The following CBFA2T3 variants were observed in gnomAD, a reference collection of about 807,000 sequenced individuals.
CBFA2T3 encodes the protein CBFA2/RUNX1 partner transcriptional co-repressor 3, also known as transcriptional corepressor CBFA2T3.
Under a neutral mutation model 58.6 loss-of-function variants are expected in CBFA2T3, and 31 were observed. The ratio of observed to expected loss-of-function variants is 0.53; its 90% CI spans 0.40 to 0.71. The LOEUF (loss-of-function observed/expected upper bound fraction) is 0.71. Ranked by LOEUF, CBFA2T3 falls within the 30% of genes least tolerant of loss-of-function variation. The pLI is 0.00. For missense variants in CBFA2T3, 1,076 were observed against 963.1 expected (o/e 1.12, Z -1.55); for synonymous variants, 531 against 421.9 (o/e 1.26, Z -3.17).
intron 1 of CBFA2T3, 112 bp from the exon 2 acceptor site, chr16:88,901,768 G>C (rs1348399999): frequency 4.1e-6 from 4 of 965,544 alleles, no homozygotes; most frequent in Non-Finnish European, 5.8e-6. Context: ...CCCAGCGCTG[G>C]GGCAGTCTGC....
At chr16:88,897,734 T>C (rs1372174850) in intron 3 of CBFA2T3, among the ~76,000 whole-genome samples, 2 of 152,196 alleles carry the variant, frequency 1.3e-5, no homozygotes, top group African/African-American at 4.8e-5. Flanking sequence ...ATAGCTGAGC[T>C]ACAGGCTGGC....
At chr16:88,971,509 G>A (rs1161903465) in intron 1 of CBFA2T3, among the ~76,000 whole-genome samples, 1 of 151,892 alleles carries the variant, frequency 6.6e-6, no homozygotes, top group Non-Finnish European at 1.5e-5. Flanking sequence ...AAGCCCCTCG[G>A]TGGGGTCCCC....
In CBFA2T3 at chr16:88,951,053, T is replaced by C. The variant is rs1972056023; in HGVS notation, c.151+25604A>G. 7 of 390,072 alleles carry C rather than the reference T, an allele frequency of 1.8e-5. 1 individual carries two copies. Among genetic ancestry groups the C allele is most frequent in the South Asian group, 3.5e-5 (2 of 57,512 alleles). 24.2% of individuals were successfully genotyped at this position (390,072 alleles called of 1,614,324 possible). ...CACAGAGGGTCAGAGTGTTGGCACC[T>C]GTCTTCCGGATCTGTTCACCCCTCC... On this transcript the variant is annotated intron_variant, in intron 1 of 11. Coordinates refer to ENST00000268679, the MANE Select transcript of CBFA2T3 (RefSeq NM_005187.6).
At chr16:88,926,675 G>T (rs1448594961) in intron 1 of CBFA2T3, among the ~76,000 whole-genome samples, 1 of 152,246 alleles carries the variant, frequency 6.6e-6, no homozygotes, top group East Asian at 1.9e-4. Context: ...GGGACAAGCT[G>T]GCCATGGTCC....
chr16:88,912,305 C>T (rs1377812164), intron 1 of CBFA2T3, among the ~76,000 whole-genome samples: 1 of 152,242 alleles, frequency 6.6e-6, no homozygotes, highest in Non-Finnish European at 1.5e-5. Context: ...CAAAGAAATG[C>T]GGAAGATGGG....
chr16:88,892,927 G>A (rs1400714936), intron 3 of CBFA2T3, among the ~76,000 whole-genome samples: 2 of 152,170 alleles, frequency 1.3e-5, no homozygotes, highest in African/African-American at 4.8e-5. Context: ...CACCCAGCAG[G>A]GGTGCGGCCC....
intron 7 of CBFA2T3, chr16:88,884,032 C>T (rs933660352): frequency 1.3e-5 from 2 of 152,270 alleles, no homozygotes; most frequent in African/African-American, 4.8e-5. Flanking sequence ...AGTCACCAGC[C>T]TGCTCTGCCG....
intron 1 of CBFA2T3, among the ~76,000 whole-genome samples, chr16:88,962,647 C>A (rs757965815): frequency 6.6e-6 from 1 of 152,206 alleles, no homozygotes; most frequent in Admixed American, 6.5e-5. Context: ...GACCACGTTT[C>A]GGGGGGAGAC....
At chr16:88,965,744 A>G (rs1280616701) in intron 1 of CBFA2T3, among the ~76,000 whole-genome samples, 1 of 152,242 alleles carries the variant, frequency 6.6e-6, no homozygotes, top group African/African-American at 2.4e-5. Flanking sequence ...TTATCTGCCA[A>G]AAACGAAGCA....
At chr16:88,884,443 T>C (rs1443336860) in intron 7 of CBFA2T3, among the ~76,000 whole-genome samples, 1 of 152,104 alleles carries the variant, frequency 6.6e-6, no homozygotes, top group Non-Finnish European at 1.5e-5. Flanking sequence ...TGTGGGTGCA[T>C]TATGTGTGCT....
chr16:88,918,995 T>G (rs7199549), intron 1 of CBFA2T3, among the ~76,000 whole-genome samples: 9,973 of 152,278 alleles, frequency 0.065, 1,123 homozygotes, highest in African/African-American at 0.23. Context: ...TCTGCTAGCC[T>G]TAATAAAGAA....
At chr16:88,927,192 G>A (rs901217315) in intron 1 of CBFA2T3, among the ~76,000 whole-genome samples, 3 of 152,214 alleles carry the variant, frequency 2.0e-5, no homozygotes, top group Non-Finnish European at 4.4e-5. Context: ...AACGGGCACC[G>A]CCTAACGAGT....
intron 1 of CBFA2T3, among the ~76,000 whole-genome samples, chr16:88,926,781 C>G (rs1971097980): frequency 6.6e-6 from 1 of 152,226 alleles, no homozygotes; most frequent in African/African-American, 2.4e-5. Flanking sequence ...AATTCCTCCT[C>G]TGGATTGGGC....
chr16:88,907,744 A>T (rs1348537772), intron 1 of CBFA2T3, among the ~76,000 whole-genome samples: 6 of 151,318 alleles, frequency 4.0e-5, no homozygotes, highest in African/African-American at 1.5e-4. Flanking sequence ...TGTCCTTCTC[A>T]CTCCCCCTGC....
Position 88,903,413 on chromosome 16 carries a change from C to T in CBFA2T3, c.152-1757G>A, listed in dbSNP as rs574832936. On this transcript the variant is annotated intron_variant, in intron 1 of 11. Transcript: ENST00000268679. ...GGGGAGTGGTGGGGGGAGGAAGCAGCCAGTAAACAGCCACAGGCCTCGCGG... is the reference window on the plus strand; with the variant it reads ...GGGGAGTGGTGGGGGGAGGAAGCAGTCAGTAAACAGCCACAGGCCTCGCGG... 3.7e-3 allele frequency among the ~76,000 whole-genome samples: 569 copies of T among 152,214 alleles called. 1 individual carries two copies. The highest frequency in any genetic ancestry group is 0.013 in the African/African-American group (544 of 41,540).
At position 88,962,494 on chromosome 16, in the gene CBFA2T3, T is replaced by C. The variant is rs562220454; in HGVS notation, c.151+14163A>G. ...TCCTCTGTGCTCAGCAGGAAAAGCA[T>C]TGTGATCCATTACCCATGCCTGTCG... On this transcript the variant is annotated intron_variant, in intron 1 of 11. Transcript: ENST00000268679. Among the ~76,000 whole-genome samples the C allele has an allele frequency of 1.4e-4, 22 of 152,308 alleles. No homozygotes were observed. In the East Asian group the frequency reaches 2.7e-3, roughly 19 times the overall value.
At chr16:88,917,554 CAA>C (rs1214779947) in intron 1 of CBFA2T3, among the ~76,000 whole-genome samples, 1 of 152,190 alleles carries the variant, frequency 6.6e-6, no homozygotes, top group East Asian at 1.9e-4. Flanking sequence ...CACCGGTTCC[CAA>C]AGTGTCGTCG....
intron 2 of CBFA2T3, among the ~76,000 whole-genome samples, chr16:88,900,932 C>T (rs970098026): frequency 1.3e-5 from 2 of 152,258 alleles, no homozygotes; most frequent in African/African-American, 2.4e-5. Context: ...CTTGAGGTCC[C>T]ACCCTTCCGG....
In CBFA2T3 at chr16:88,906,636, G is replaced by T. The variant is rs540068753; in HGVS notation, c.152-4980C>A. On this transcript the variant is annotated intron_variant, in intron 1 of 11. Coordinates refer to ENST00000268679, the MANE Select transcript of CBFA2T3 (RefSeq NM_005187.6). ...GCAGAATAGAGAAGTGGCAGGAAGG[G>T]CTAATGTCACGGAGGAACCTGGTGC... Among the ~76,000 whole-genome samples, 7 of 152,314 alleles carry T rather than the reference G, an allele frequency of 4.6e-5. No individual in the cohort carries two copies. In the East Asian group the frequency reaches 1.4e-3, roughly 29 times the overall value.
Sources: gnomAD v4.1 joint callset for allele counts (sites outside exome capture counted in the v4.1 genomes callset) on GRCh38, gnomAD v4.1.1 for gene constraint, MANE v1.5 for transcripts, NCBI Gene and HGNC (gene_info 2026-07-23, HGNC 2026-07-21) for gene names.